PUS1: variants seen among roughly 807,000 people sequenced by gnomAD.
PUS1 encodes the protein pseudouridine synthase 1.
Under a neutral mutation model 38.5 loss-of-function variants are expected in PUS1, and 25 were observed. That is an observed-to-expected ratio of 0.65 (90% confidence interval 0.47 to 0.91). PUS1 has a LOEUF of 0.91. Ranked by LOEUF, PUS1 falls within the 40% of genes least tolerant of loss-of-function variation. The pLI is 0.00. For missense variants in PUS1, 597 were observed against 612.3 expected (o/e 0.97, Z 0.26); for synonymous variants, 282 against 260.4 (o/e 1.08, Z -0.80).
Position 131,941,755 on chromosome 12 carries a change from G to A in PUS1, c.1008G>A (p.Glu336=), listed in dbSNP as rs145430883. The change falls in exon 5 of 6, where the codon GAG becomes GAA. Residue 336 remains glutamate, a synonymous_variant. Coordinates refer to ENST00000376649, the MANE Select transcript of PUS1 (RefSeq NM_025215.6). The surrounding 1 kb of genome is among the most constrained non-coding windows in gnomAD (Gnocchi z 4.4). ...PKAPGLGLVL[E]RVHFEKYNQR... ...CGCCCGGACTCGGCCTGGTCCTGGA[G>A]AGGGTGCACTTCGAGAAGTACAACC... 1.0e-3 allele frequency: 1,649 copies of A among 1,613,874 alleles called. 2 individuals are homozygous for A. Among genetic ancestry groups the A allele is most frequent in the Non-Finnish European group, 1.3e-3 (1,588 of 1,179,882 alleles).
chr12:131,931,692 G>A (rs566922656), intron 2 of PUS1: 25 of 185,516 alleles, frequency 1.3e-4, no homozygotes, highest in East Asian at 2.8e-4. Flanking sequence ...CACCACGCCC[G>A]GCTAATTTTT....
In PUS1 at chr12:131,941,595, G is replaced by C. The variant is rs764556664; in HGVS notation, c.848G>C (p.Arg283Thr). 9.9e-6 allele frequency: 16 copies of C among 1,614,220 alleles called. No homozygotes were observed. The highest frequency in any genetic ancestry group is 1.2e-5 in the Non-Finnish European group (14 of 1,180,046). The part of the protein sequence containing the change: ...VREGLEFAVI[R>T]VKGQSFMMHQ... ...GAGGGCCTGGAGTTTGCGGTGATCA[G>C]GGTGAAGGGCCAGAGCTTCATGATG... Residue 283 changes from arginine (R) to threonine (T), a missense_variant, in exon 5 of 6, where the codon AGG (arginine) becomes ACG (threonine). Physicochemically the swap from Arg to Thr is moderately conservative, Grantham distance 71 (BLOSUM62 -1). Coordinates refer to ENST00000376649, the MANE Select transcript of PUS1 (RefSeq NM_025215.6). This position sits in a 1 kb window ranked among gnomAD's most constrained non-coding sequence, Gnocchi z 4.4.
intron 3 of PUS1, 171 bp downstream of exon 3, chr12:131,932,483 T>A (rs1444771818): frequency 2.8e-6 from 2 of 708,968 alleles, no homozygotes; most frequent in Non-Finnish European, 4.9e-6. Flanking sequence ...TCGGCTCAGG[T>A]ATAGCTGGAT....
chr12:131,930,537 A>AG (rs750690653), intron 2 of PUS1, among the ~76,000 whole-genome samples: 2 of 152,172 alleles, frequency 1.3e-5, no homozygotes, highest in African/African-American at 4.8e-5. Flanking sequence ...GGGGACAGAG[A>AG]GCTAAGTATT....
intron 3 of PUS1, chr12:131,934,492 C>G (rs1890739743): frequency 6.6e-6 from 1 of 152,124 alleles, no homozygotes; most frequent in South Asian, 2.1e-4. Context: ...CTGATTTTTC[C>G]TAGGTTATAA....
In PUS1 at chr12:131,941,877, T is replaced by G. The variant is rs961491264; in HGVS notation, c.1130T>G (p.Ile377Ser). The G allele has an allele frequency of 1.2e-6, 2 of 1,613,716 alleles. No individual in the cohort carries two copies. The highest frequency in any genetic ancestry group is 2.7e-5 in the African/African-American group (2 of 75,042). The change falls in exon 5 of 6, where the codon ATC becomes AGC. Residue 377 changes from isoleucine (I) to serine (S), a missense_variant. Coordinates refer to ENST00000376649, the MANE Select transcript of PUS1 (RefSeq NM_025215.6). The surrounding 1 kb of genome is among the most constrained non-coding windows in gnomAD (Gnocchi z 4.4). ...AFKEEHIYPT[I>S]IGTERDERSM... ...AAGGAGGAGCACATCTACCCCACCATCATCGGCACCGAGCGGGACGAACGC... is the reference window on the plus strand; with the variant it reads ...AAGGAGGAGCACATCTACCCCACCAGCATCGGCACCGAGCGGGACGAACGC...
rs199643265 is a variant in PUS1, at chr12:131,941,243, C to T, written c.545-49C>T. 11 of 1,524,512 alleles carry T rather than the reference C, an allele frequency of 7.2e-6. No homozygotes were observed. The East Asian group carries it at 2.5e-4, about 35-fold the overall frequency. 94.4% of individuals were successfully genotyped at this position (1,524,512 alleles called of 1,614,324 possible). A position where few individuals can be genotyped will look rare whatever the true frequency, so the allele number is the denominator to read the frequency against. ...CGTGCTCAGGCTGCTCCCTGGTCAT[C>T]CAGGCACTTCTCACCTGCCTTTCTC... On this transcript the variant is annotated intron_variant, in intron 4 of 5. Transcript: ENST00000376649. The surrounding 1 kb of genome is among the most constrained non-coding windows in gnomAD (Gnocchi z 4.4).
rs774123929 is a variant in PUS1, at chr12:131,930,081, G to A, written c.249G>A (p.Lys83=). The A allele has an allele frequency of 1.0e-5, 15 of 1,444,924 alleles. No homozygotes were observed. Among genetic ancestry groups the A allele is most frequent in the African/African-American group, 1.5e-5 (1 of 67,526 alleles). The allele number at this position is 1,444,924 out of a possible 1,614,324, so 89.5% of individuals were successfully genotyped here. Reference sequence around the variant, plus strand: ...AGGAGCGGCGCGAGAAGCCGCCCAAGCGGAAGATCGTGCTGCTCATGGCCT... The same window carrying A: ...AGGAGCGGCGCGAGAAGCCGCCCAAACGGAAGATCGTGCTGCTCATGGCCT... ...GDEERREKPP[K]RKIVLLMAYS... Residue 83 remains lysine (K), a synonymous_variant, in exon 2 of 6, where the codon AAG becomes AAA. Coordinates refer to ENST00000376649, the MANE Select transcript of PUS1 (RefSeq NM_025215.6).
chr12:131,932,851 T>C (rs1173215977), intron 3 of PUS1: 4 of 452,926 alleles, frequency 8.8e-6, no homozygotes, highest in South Asian at 6.3e-5. Context: ...TATTAGTCTG[T>C]TGTCACACTG....
At chr12:131,942,540 G>A (rs1891126798) in intron 5 of PUS1, among the ~76,000 whole-genome samples, 1 of 152,094 alleles carries the variant, frequency 6.6e-6, no homozygotes, top group African/African-American at 2.4e-5. Context: ...CCGAGTAGCT[G>A]GGACTACAGG....
chr12:131,933,940 A>C (rs528867874), intron 3 of PUS1, among the ~76,000 whole-genome samples: 1 of 152,366 alleles, frequency 6.6e-6, no homozygotes, highest in South Asian at 2.1e-4. Flanking sequence ...GCAAGGGGAC[A>C]GGGTAAGGAG....
intron 3 of PUS1, among the ~76,000 whole-genome samples, chr12:131,937,115 A>T (rs1176927950): frequency 2.0e-5 from 3 of 152,218 alleles, no homozygotes. Context: ...ATCTTGTTTC[A>T]GAACATCTCG....
rs1474045552 is a variant in PUS1 at position 131,930,016 on chromosome 12, G to GGA, written c.187_188dup (p.His64AsnfsTer72). On this transcript the variant is annotated frameshift_variant, in exon 2 of 6. Transcript: ENST00000376649. LOFTEE classifies it high-confidence loss of function. ...CGGGGGCGACCGCGTCTGGGAGGAC[G>GGA]GAGAACATCCGGCGAAGAAGCTCAA... 2.7e-6 allele frequency: 4 copies of GGA among 1,476,666 alleles called. No individual in the cohort carries two copies. The highest frequency in any genetic ancestry group is 8.9e-7 in the Non-Finnish European group (1 of 1,120,432). 91.5% of individuals were successfully genotyped at this position (1,476,666 alleles called of 1,614,324 possible).
chr12:131,942,507 C>T (rs1161313929), intron 5 of PUS1, among the ~76,000 whole-genome samples: 2 of 152,024 alleles, frequency 1.3e-5, no homozygotes, highest in Non-Finnish European at 2.9e-5. Flanking sequence ...CCCGGGTTCA[C>T]GCCATTCTCC....
intron 3 of PUS1, among the ~76,000 whole-genome samples, chr12:131,933,942 G>A (rs970971297): frequency 6.6e-6 from 1 of 152,224 alleles, no homozygotes; most frequent in Non-Finnish European, 1.5e-5. Context: ...AAGGGGACAG[G>A]GTAAGGAGCG....
At chr12:131,935,910 T>G (rs1890806578) in intron 3 of PUS1, among the ~76,000 whole-genome samples, 2 of 152,124 alleles carry the variant, frequency 1.3e-5, no homozygotes, top group Non-Finnish European at 2.9e-5. Context: ...ATAGCTTTAT[T>G]GAAATATAAT....
chr12:131,939,363 C>CT lies in PUS1; in HGVS notation c.544+89dup. On this transcript the variant is annotated intron_variant, in intron 4 of 5. Transcript: ENST00000376649. ...CTATGCATGCTCCTGCCTTTTCCAA[C>CT]TGTCTCTGATGCAGAAGCGTAGTCA... is the stretch of plus-strand genomic sequence containing the variant. 4 of 885,800 alleles carry CT rather than the reference C, an allele frequency of 4.5e-6. No individual in the cohort carries two copies. The South Asian group carries it at 5.7e-5, about 13-fold the overall frequency. The allele number at this position is 885,800 out of a possible 1,614,324, so 54.9% of individuals were successfully genotyped here. A position where few individuals can be genotyped will look rare whatever the true frequency, so the allele number is the denominator to read the frequency against.
chr12:131,932,349 A>T (rs910100226), intron 3 of PUS1, 37 bp downstream of exon 3: 1 of 1,609,556 alleles, frequency 6.2e-7, no homozygotes. Context: ...CCCCGCTGCT[A>T]TGAGCAGCAC....
rs539518409 is a variant in PUS1 at position 131,943,696 on chromosome 12, C to T, written c.*110C>T. The stretch of plus-strand genomic sequence containing the variant: ...TGGGATCGCTGCAGCCATGTTTTCC[C>T]GGCCATGCCGGCGTTGTAACCTCAG... On this transcript the variant is annotated 3_prime_UTR_variant, in exon 6 of 6. Transcript: ENST00000376649. The T allele has an allele frequency of 1.2e-5, 11 of 906,078 alleles. No homozygotes were observed. The highest frequency in any genetic ancestry group is 3.3e-5 in the African/African-American group (2 of 61,494). The allele number at this position is 906,078 out of a possible 1,614,324, so 56.1% of individuals were successfully genotyped here.
Sources: gnomAD v4.1 joint callset for allele counts (sites outside exome capture counted in the v4.1 genomes callset) on GRCh38, gnomAD v4.1.1 for gene constraint, Gnocchi (gnomAD v3.1) non-coding constraint, MANE v1.5 for transcripts, NCBI Gene and HGNC (gene_info 2026-07-23, HGNC 2026-07-21) for gene names.